The following GP6 variants were observed in gnomAD, a reference collection of about 807,000 sequenced individuals.
GP6 encodes platelet glycoprotein VI.
Under a neutral mutation model 37.3 loss-of-function variants are expected in GP6, and 45 were observed. That is an observed-to-expected ratio of 1.21 (90% CI 0.95 to 1.55). The LOEUF (loss-of-function observed/expected upper bound fraction) is 1.55, where lower values mean the gene tolerates loss of function less well. Among genes scored for constraint, GP6 ranks in the 40% most tolerant of loss-of-function variants. The pLI, the probability that GP6 is intolerant of heterozygous loss-of-function variation, is 0.00. For synonymous variants in GP6, 340 were observed against 316.4 expected, an observed-to-expected ratio of 1.07 and a Z score of -0.79; for missense variants, 813 against 760.2, an observed-to-expected ratio of 1.07 and a Z score of -0.82.
intron 1 of GP6, among the ~76,000 whole-genome samples, chr19:55,035,272 G>A (rs1052143695): frequency 8.5e-5 from 13 of 152,130 alleles, no homozygotes; most frequent in African/African-American, 2.9e-4. Context: ...GGTGGTTACC[G>A]GGGCGGTGGG....
chr19:55,023,200 A>G (rs2074144854), intron 5 of GP6, among the ~76,000 whole-genome samples: 2 of 152,188 alleles, frequency 1.3e-5, no homozygotes, highest in Admixed American at 1.3e-4. Flanking sequence ...AAATAAGACC[A>G]CACATCTACA....
chr19:55,037,926 T>A (rs1007683462), intron 1 of GP6, among the ~76,000 whole-genome samples: 14 of 152,138 alleles, frequency 9.2e-5, no homozygotes, highest in African/African-American at 2.9e-4. Context: ...TGGCCCACAT[T>A]TTTTAAAAAA....
rs1401283934 is a variant in GP6 at position 55,034,557 on chromosome 19, A to C, written c.35-2019T>G. The stretch of plus-strand genomic sequence containing the variant: ...GGCAACAGAGCAAGACTCCATCTCG[A>C]GGAAAAAAAAAAATGATATTGCCCC... On this transcript the variant is annotated intron_variant, in intron 1 of 7. Transcript: ENST00000310373. Among the ~76,000 whole-genome samples, 6 of 151,460 alleles carry C rather than the reference A, an allele frequency of 4.0e-5. No homozygotes were observed. In the East Asian group the frequency reaches 1.2e-3, roughly 29 times the overall value.
intron 1 of GP6, among the ~76,000 whole-genome samples, chr19:55,036,432 G>A (rs2074832873): frequency 6.6e-6 from 1 of 151,922 alleles, no homozygotes; most frequent in Non-Finnish European, 1.5e-5. Flanking sequence ...ACCTGTACAG[G>A]CCACACCTGT....
chr19:55,024,905 G>A (rs202087775), intron 5 of GP6, among the ~76,000 whole-genome samples: 3 of 134,342 alleles, frequency 2.2e-5, no homozygotes, highest in Non-Finnish European at 5.0e-5. Flanking sequence ...TTGGTTGGTT[G>A]GTTAGTTTGT....
rs375205262 is a variant in GP6, at chr19:55,027,802, T to A, written c.386A>T (p.Asp129Val). The A allele has an allele frequency of 2.5e-6, 4 of 1,613,952 alleles. No individual in the cohort carries two copies. Among genetic ancestry groups the A allele is most frequent in the Non-Finnish European group, 3.4e-6 (4 of 1,179,890 alleles). Reference sequence around the variant, plus strand: ...CCGAGTCTGACACTGTAGGGTTACGTCCCCTCCTGACGACACCGCCGGGCC... The same window carrying A: ...CCGAGTCTGACACTGTAGGGTTACGACCCCTCCTGACGACACCGCCGGGCC... Residue 129 changes from aspartate (D) to valine (V), a missense_variant, in exon 4 of 8, where the codon GAC becomes GTC. Transcript: ENST00000310373.
chr19:55,034,639 A>G (rs189573035), intron 1 of GP6, among the ~76,000 whole-genome samples: 19 of 151,728 alleles, frequency 1.3e-4, no homozygotes, highest in Admixed American at 3.3e-4. Flanking sequence ...GAAGAGGAGG[A>G]GGAAAAAAAA....
At position 55,017,684 on chromosome 19, in the gene GP6, G is replaced by C. The variant is rs138815137; in HGVS notation, c.724+968C>G. Reference sequence around the variant, plus strand: ...GGATCAACAGGGGCTGGATATCTAAGCTCACAGAATAGCAAGCTGAGGAAT... The same window carrying C: ...GGATCAACAGGGGCTGGATATCTAACCTCACAGAATAGCAAGCTGAGGAAT... On this transcript the variant is annotated intron_variant, in intron 6 of 7. Transcript: ENST00000310373. Among the ~76,000 whole-genome samples, 1,140 of 152,200 alleles carry C rather than the reference G, an allele frequency of 7.5e-3. 12 individuals are homozygous for C. The highest frequency in any genetic ancestry group is 0.026 in the African/African-American group (1,100 of 41,530).
At chr19:55,016,423 T>G (rs962326717) in intron 6 of GP6, among the ~76,000 whole-genome samples, 1 of 147,490 alleles carries the variant, frequency 6.8e-6, no homozygotes, top group African/African-American at 2.5e-5. Context: ...TCTCCCAGGC[T>G]GGAGTGCAGT....
rs376519218 is a variant in GP6, at chr19:55,035,072, G to T, written c.35-2534C>A. On this transcript the variant is annotated intron_variant, in intron 1 of 7. Coordinates refer to ENST00000310373, the MANE Select transcript of GP6 (RefSeq NM_001083899.2). ...CCAGGCGCCGTGCTGAGCGCCTTCT[G>T]TGCATGGACTCCAAGTCGCCATAAT... Among the ~76,000 whole-genome samples, 21 of 152,308 alleles carry T rather than the reference G, an allele frequency of 1.4e-4. 1 individual carries two copies. The highest frequency in any genetic ancestry group is 1.3e-3 in the East Asian group (7 of 5,192).
At chr19:55,018,733 A>G in intron 5 of GP6, 22 bp from the exon 6 acceptor site, 1 of 1,568,602 alleles carries the variant, frequency 6.4e-7, no homozygotes, top group South Asian at 1.1e-5. Context: ...AAACAATGTT[A>G]GGTCTTCCCC....
At chr19:55,029,102 GGA>G (rs2074419705) in intron 3 of GP6, among the ~76,000 whole-genome samples, 1 of 145,018 alleles carries the variant, frequency 6.9e-6, no homozygotes, top group Non-Finnish European at 1.5e-5. Flanking sequence ...GAAAGAAAGA[GGA>G]AGGAAGGGAG....
rs2074679860 is a variant in GP6 at position 55,033,376 on chromosome 19, C to T, written c.35-838G>A. 7.6e-5 allele frequency among the ~76,000 whole-genome samples: 5 copies of T among 65,800 alleles called. 1 individual carries two copies. The highest frequency in any genetic ancestry group is 0.013 in the Middle Eastern group (1 of 80). The allele number at this position is 65,800 out of a possible 152,430, so 43.2% of individuals were successfully genotyped here. A position where few individuals can be genotyped will look rare whatever the true frequency, so the allele number is the denominator to read the frequency against. On this transcript the variant is annotated intron_variant, in intron 1 of 7. Transcript: ENST00000310373. ...GGGCTCGTTCGTGTTGTGTTAGACA[C>T]GGTGGACTCGTTCGTGTTGTGTTAG...
rs1445289893 is a variant in GP6, at chr19:55,021,796, C to A, written c.665-3085G>T. Among the ~76,000 whole-genome samples the A allele has an allele frequency of 2.6e-5, 4 of 152,014 alleles. No homozygotes were observed. In the East Asian group the frequency reaches 5.8e-4, roughly 22 times the overall value. Reference sequence around the variant, plus strand: ...CGGCCTCCCAAAGTGCTGGGATTACCGGCGTGAGCCACCGTGCCCGGCGTT... The same window carrying A: ...CGGCCTCCCAAAGTGCTGGGATTACAGGCGTGAGCCACCGTGCCCGGCGTT... On this transcript the variant is annotated intron_variant, in intron 5 of 7. Transcript: ENST00000310373.
intron 5 of GP6, among the ~76,000 whole-genome samples, chr19:55,024,595 C>A (rs898463624): frequency 1.3e-5 from 2 of 152,190 alleles, no homozygotes; most frequent in African/African-American, 4.8e-5. Context: ...ACACCGTATT[C>A]AGCTGAGATG....
At chr19:55,035,863 A>G (rs1325148002) in intron 1 of GP6, among the ~76,000 whole-genome samples, 1 of 151,266 alleles carries the variant, frequency 6.6e-6, no homozygotes, top group African/African-American at 2.4e-5. Context: ...TCACGAGGTC[A>G]AGAGATCAAG....
At chr19:55,032,438 C>T (rs769747276) in intron 2 of GP6, 42 bp from the exon 3 acceptor site, 51 of 1,611,794 alleles carry the variant, frequency 3.2e-5, no homozygotes, top group South Asian at 6.6e-5. Flanking sequence ...CCGCAGACCC[C>T]GCCTGGACCC....
chr19:55,026,642 G>A (rs531124637), intron 4 of GP6, among the ~76,000 whole-genome samples: 3 of 152,264 alleles, frequency 2.0e-5, no homozygotes, highest in Middle Eastern at 3.4e-3. Context: ...TGTAATCCCA[G>A]CACTTTGGGA....
chr19:55,019,180 A>G (rs1315491480), intron 5 of GP6, among the ~76,000 whole-genome samples: 1 of 143,784 alleles, frequency 7.0e-6, no homozygotes, highest in African/African-American at 2.6e-5. Context: ...ATCTCAGCTC[A>G]CTGCAACCTC....
Sources: allele counts gnomAD v4.1 joint callset (sites outside exome capture counted in the v4.1 genomes callset), GRCh38; gene constraint gnomAD v4.1.1; transcripts MANE v1.5; gene names NCBI Gene and HGNC (gene_info 2026-07-23, HGNC 2026-07-21).